Variants in EPHB1 observed in about 807,000 individuals in gnomAD.
EPHB1 encodes the protein EPH receptor B1.
Under a neutral mutation model 94.4 loss-of-function variants are expected in EPHB1, and 30 were observed. That is an observed-to-expected ratio of 0.32 (90% CI 0.24 to 0.43). The LOEUF (loss-of-function observed/expected upper bound fraction) is 0.43, where lower values mean the gene tolerates loss of function less well. EPHB1 is among the 20% of genes least tolerant of loss of function. EPHB1 has a pLI of 1.00. For missense variants in EPHB1, 1,055 were observed against 1,308.3 expected (o/e 0.81, Z 2.99); for synonymous variants, 522 against 489.1 (o/e 1.07, Z -0.89).
intron 9 of EPHB1, among the ~76,000 whole-genome samples, chr3:135,171,335 A>T (rs1201392414): frequency 6.6e-6 from 1 of 152,200 alleles, no homozygotes; most frequent in Non-Finnish European, 1.5e-5. Flanking sequence ...TACCAAAAGA[A>T]AGTAGGTTAG....
chr3:134,840,147 C>A (rs535507238), intron 1 of EPHB1, among the ~76,000 whole-genome samples: 7 of 152,358 alleles, frequency 4.6e-5, no homozygotes, highest in African/African-American at 1.4e-4. Flanking sequence ...CCCCAGGCAG[C>A]ACACATCACT....
chr3:135,088,701 G>T (rs765837862), intron 3 of EPHB1, among the ~76,000 whole-genome samples: 4 of 152,128 alleles, frequency 2.6e-5, no homozygotes, highest in Non-Finnish European at 5.9e-5. Context: ...AGTCACATAG[G>T]ATACTACTTC....
At chr3:135,043,875 G>A (rs535290011) in intron 3 of EPHB1, among the ~76,000 whole-genome samples, 4 of 152,266 alleles carry the variant, frequency 2.6e-5, no homozygotes, top group African/African-American at 7.2e-5. Flanking sequence ...TGAAGGAGAG[G>A]CACTGAGATC....
At position 134,998,087 on chromosome 3, in the gene EPHB1, A is replaced by G. The variant is rs564708187; in HGVS notation, c.805+46035A>G. ...CTCATACCTGAAATGCTTTCTCTTG[A>G]TGTATCTCTGCTCTGCTCAGGTGGC... On this transcript the variant is annotated intron_variant, in intron 3 of 15. Coordinates refer to ENST00000398015, the MANE Select transcript of EPHB1 (RefSeq NM_004441.5). Among the ~76,000 whole-genome samples, 52 of 152,334 alleles carry G rather than the reference A, an allele frequency of 3.4e-4. No homozygotes were observed. In the South Asian group the frequency reaches 6.6e-3, roughly 19 times the overall value.
At chr3:134,989,881 C>A (rs989137355) in intron 3 of EPHB1, among the ~76,000 whole-genome samples, 1 of 152,036 alleles carries the variant, frequency 6.6e-6, no homozygotes, top group African/African-American at 2.4e-5. Flanking sequence ...TTAAATAGTA[C>A]CAATTAACCC....
At chr3:135,245,513 C>CAAAAAAAAAAAAAAAAA (rs57521935) in intron 13 of EPHB1, among the ~76,000 whole-genome samples, 2 of 124,046 alleles carry the variant, frequency 1.6e-5, no homozygotes, top group African/African-American at 3.4e-5. Flanking sequence ...GAACAGTCTT[C>CAAAAAAAAAAAAAAAAA]AAAAAAAAAA....
At chr3:134,860,036 T>C (rs958776496) in intron 1 of EPHB1, among the ~76,000 whole-genome samples, 12 of 152,168 alleles carry the variant, frequency 7.9e-5, no homozygotes, top group Non-Finnish European at 1.6e-4. Context: ...TCACCTTTTT[T>C]CATATGGTTT....
rs569880185 is a variant in EPHB1, at chr3:134,824,175, CTAAG to C, written c.58+28488_58+28491del. Among the ~76,000 whole-genome samples, 31 of 122,682 alleles carry C rather than the reference CTAAG, an allele frequency of 2.5e-4. 1 individual carries two copies. Among genetic ancestry groups the C allele is most frequent in the Admixed American group, 5.4e-4 (5 of 9,178 alleles). The allele number at this position is 122,682 out of a possible 152,430, so 80.5% of individuals were successfully genotyped here. A position where few individuals can be genotyped will look rare whatever the true frequency, so the allele number is the denominator to read the frequency against. ...TGGTAATCCTAGCTCTTGCACTTGA[CTAAG>C]TGGTAGTTTCTTGTGTGCCCAGCAT... is the stretch of plus-strand genomic sequence containing the variant. On this transcript the variant is annotated intron_variant, in intron 1 of 15. Coordinates refer to ENST00000398015, the MANE Select transcript of EPHB1 (RefSeq NM_004441.5).
At chr3:135,217,565 G>A (rs760875616) in intron 12 of EPHB1, among the ~76,000 whole-genome samples, 2 of 151,984 alleles carry the variant, frequency 1.3e-5, no homozygotes, top group African/African-American at 2.4e-5. Context: ...AATTCAGAGC[G>A]ATGTACACAC....
intron 1 of EPHB1, among the ~76,000 whole-genome samples, chr3:134,839,162 T>C (rs938511715): frequency 6.6e-6 from 1 of 152,174 alleles, no homozygotes; most frequent in Non-Finnish European, 1.5e-5. Context: ...GAAATCCACA[T>C]GGTCAGGATG....
chr3:134,875,165 G>C (rs1450747143), intron 1 of EPHB1, among the ~76,000 whole-genome samples: 3 of 152,194 alleles, frequency 2.0e-5, no homozygotes, highest in African/African-American at 7.2e-5. Context: ...GACTTGTTGT[G>C]CACGGCAAGG....
chr3:135,039,610 A>G (rs988757356), intron 3 of EPHB1, among the ~76,000 whole-genome samples: 85 of 152,338 alleles, frequency 5.6e-4, no homozygotes, highest in African/African-American at 1.8e-3. Flanking sequence ...GAAATCGAGC[A>G]CAGCGCCAGT....
chr3:135,212,788 G>A (rs1302971866), intron 12 of EPHB1, among the ~76,000 whole-genome samples: 2 of 152,128 alleles, frequency 1.3e-5, no homozygotes, highest in African/African-American at 2.4e-5. Flanking sequence ...ACCTTGTGCT[G>A]TTCAGTTTCC....
chr3:135,037,361 T>G lies in EPHB1; in HGVS notation c.806-69087T>G, dbSNP rs1249575486. ...TGAAAACTGGAGGAGGTTCAAATCC[T>G]CAGGGAGACGTCCCTTGAGGACAAA... On this transcript the variant is annotated intron_variant, in intron 3 of 15. Coordinates refer to ENST00000398015, the MANE Select transcript of EPHB1 (RefSeq NM_004441.5). Among the ~76,000 whole-genome samples the G allele has an allele frequency of 3.3e-5, 5 of 152,202 alleles. No individual in the cohort carries two copies. The East Asian group carries it at 9.6e-4, about 29-fold the overall frequency.
chr3:134,858,704 G>C lies in EPHB1; in HGVS notation c.58+63015G>C, dbSNP rs143291737. Among the ~76,000 whole-genome samples, 49 of 152,312 alleles carry C rather than the reference G, an allele frequency of 3.2e-4. No individual in the cohort carries two copies. In the East Asian group the frequency reaches 8.5e-3, roughly 26 times the overall value. On this transcript the variant is annotated intron_variant, in intron 1 of 15. Coordinates refer to ENST00000398015, the MANE Select transcript of EPHB1 (RefSeq NM_004441.5). ...AATGATAGACCCCTTGGAGCTGGTC[G>C]AATCCACTTATCCTGCTGTTGAGGA...
rs2107709903 is a variant in EPHB1 at position 135,192,567 on chromosome 3, C to T, written c.1883-9C>T. 1.9e-6 allele frequency: 3 copies of T among 1,611,430 alleles called. No homozygotes were observed. The highest frequency in any genetic ancestry group is 2.5e-6 in the Non-Finnish European group (3 of 1,178,044). On this transcript the variant is annotated splice_polypyrimidine_tract_variant and intron_variant, in intron 10 of 15. Transcript: ENST00000398015. Reference sequence around the variant, plus strand: ...GAAGAGGATATTAATGGCATTTTTGCTGTTGCAGGGGAGTTTGGAGAAGTG... The same window carrying T: ...GAAGAGGATATTAATGGCATTTTTGTTGTTGCAGGGGAGTTTGGAGAAGTG...
chr3:135,179,839 C>G (rs1450808464), intron 9 of EPHB1, 21 bp from the exon 10 acceptor site: 2 of 1,613,260 alleles, frequency 1.2e-6, no homozygotes, highest in Non-Finnish European at 8.5e-7. Flanking sequence ...GATGTTAACC[C>G]TGCTTATCTC....
rs1233704419 is a variant in EPHB1 at position 135,126,741 on chromosome 3, A to G, written c.962-5973A>G. On this transcript the variant is annotated intron_variant, in intron 4 of 15. Coordinates refer to ENST00000398015, the MANE Select transcript of EPHB1 (RefSeq NM_004441.5). Reference sequence around the variant, plus strand: ...TCATGTCTTTTCCCAAGCATCTGTAACACCTTGCATCTGTACCACTTTGAT... The same window carrying G: ...TCATGTCTTTTCCCAAGCATCTGTAGCACCTTGCATCTGTACCACTTTGAT... Among the ~76,000 whole-genome samples, 3 of 152,128 alleles carry G rather than the reference A, an allele frequency of 2.0e-5. No individual in the cohort carries two copies. The East Asian group carries it at 5.8e-4, about 29-fold the overall frequency.
intron 3 of EPHB1, among the ~76,000 whole-genome samples, chr3:134,976,099 G>T (rs1349700530): frequency 6.6e-6 from 1 of 151,972 alleles, no homozygotes; most frequent in East Asian, 1.9e-4. Flanking sequence ...CTCTGTACGG[G>T]TTAGTTAGTT....
Sources: gnomAD v4.1 joint callset for allele counts (sites outside exome capture counted in the v4.1 genomes callset) on GRCh38, gnomAD v4.1.1 for gene constraint, MANE v1.5 for transcripts, NCBI Gene and HGNC (gene_info 2026-07-23, HGNC 2026-07-21) for gene names.